UNC79: variants seen among roughly 807,000 people sequenced by gnomAD.
The protein encoded by UNC79 is protein unc-79 homolog.
In UNC79, 37 loss-of-function variants were observed where a neutral mutation model predicts 283.1. The ratio of observed to expected loss-of-function variants is 0.13; its 90% CI spans 0.10 to 0.17. The LOEUF is 0.17. UNC79 is among the 10% of genes least tolerant of loss of function. The pLI, the probability that UNC79 is intolerant of heterozygous loss-of-function variation, is 1.00. For synonymous variants in UNC79, 1,107 were observed against 1,200.2 expected (o/e 0.92, Z 1.61); for missense variants, 2,272 against 3,211.1 (o/e 0.71, Z 7.07).
At chr14:93,498,416 G>A (rs1269886237) in intron 7 of UNC79, among the ~76,000 whole-genome samples, 2 of 151,948 alleles carry the variant, frequency 1.3e-5, no homozygotes, top group African/African-American at 2.4e-5. Context: ...GTGAAACCCC[G>A]TCTCTACTAA....
intron 1 of UNC79, among the ~76,000 whole-genome samples, chr14:93,463,295 G>T (rs1023502534): frequency 6.6e-6 from 1 of 152,096 alleles, no homozygotes; most frequent in Non-Finnish European, 1.5e-5. Flanking sequence ...GATGATTGTG[G>T]GAAATGGATT....
At chr14:93,643,411 C>A in intron 33 of UNC79, 146 bp from the exon 37 acceptor site, 1 of 1,077,390 alleles carries the variant, frequency 9.3e-7, no homozygotes, top group Non-Finnish European at 1.4e-6. Flanking sequence ...GCACTGGAAT[C>A]CTCTACTGAT....
intron 1 of UNC79, among the ~76,000 whole-genome samples, chr14:93,407,734 G>A (rs2055255711): frequency 6.6e-6 from 1 of 152,060 alleles, no homozygotes; most frequent in African/African-American, 2.4e-5. Flanking sequence ...TAAAAAAACT[G>A]GAGATTTAAT....
At chr14:93,516,875 T>A (rs2060088169) in intron 7 of UNC79, among the ~76,000 whole-genome samples, 1 of 152,084 alleles carries the variant, frequency 6.6e-6, no homozygotes. Context: ...TAGGTCTTCT[T>A]TAATTTCTTT....
chr14:93,464,179 T>A (rs1162582288), intron 1 of UNC79, among the ~76,000 whole-genome samples: 1 of 152,004 alleles, frequency 6.6e-6, no homozygotes, highest in Non-Finnish European at 1.5e-5. Context: ...AAAAAAGATT[T>A]CCTCTATGAT....
chr14:93,493,874 C>CATATATATAT (rs140201851), intron 5 of UNC79, among the ~76,000 whole-genome samples: 10 of 76,688 alleles, frequency 1.3e-4, no homozygotes, highest in South Asian at 1.4e-3. Flanking sequence ...GGAAGTGCCA[C>CATATATATAT]ATATATATAT....
intron 7 of UNC79, among the ~76,000 whole-genome samples, chr14:93,500,842 T>G (rs2059246991): frequency 6.6e-6 from 1 of 152,212 alleles, no homozygotes; most frequent in Admixed American, 6.5e-5. Flanking sequence ...CATTAGAAAT[T>G]GTCTGCAATG....
chr14:93,459,225 T>C (rs953627070), intron 1 of UNC79, among the ~76,000 whole-genome samples: 3 of 152,124 alleles, frequency 2.0e-5, no homozygotes, highest in African/African-American at 7.2e-5. Flanking sequence ...CTCCTGACCT[T>C]GGCCTCCCAA....
chr14:93,364,855 T>G (rs1160663625), intron 1 of UNC79, among the ~76,000 whole-genome samples: 2 of 151,880 alleles, frequency 1.3e-5, no homozygotes, highest in African/African-American at 4.8e-5. Flanking sequence ...CTATAATAGG[T>G]GCCACATGTC....
intron 14 of UNC79, among the ~76,000 whole-genome samples, chr14:93,563,320 T>G (rs1208700550): frequency 6.6e-6 from 1 of 152,182 alleles, no homozygotes. Context: ...TTGATGGCCC[T>G]TGCAGTGAAT....
intron 42 of UNC79, among the ~76,000 whole-genome samples, chr14:93,685,373 G>A (rs765090240): frequency 2.0e-5 from 3 of 152,154 alleles, no homozygotes; most frequent in African/African-American, 4.8e-5. Flanking sequence ...TTTCTTGCAC[G>A]AAAGGATTAA....
At chr14:93,568,293 G>T (rs1266006733) in intron 14 of UNC79, among the ~76,000 whole-genome samples, 1 of 152,140 alleles carries the variant, frequency 6.6e-6, no homozygotes, top group Non-Finnish European at 1.5e-5. Context: ...GCTGAGCCAA[G>T]CTCCATCCTT....
chr14:93,605,944 C>T (rs1193877753), intron 26 of UNC79, among the ~76,000 whole-genome samples: 4 of 152,084 alleles, frequency 2.6e-5, no homozygotes, highest in Admixed American at 2.6e-4. Flanking sequence ...CCTTACACAT[C>T]GCTCATGTAC....
intron 7 of UNC79, among the ~76,000 whole-genome samples, chr14:93,504,042 G>A (rs1158684031): frequency 6.6e-6 from 1 of 151,802 alleles, no homozygotes; most frequent in African/African-American, 2.4e-5. Flanking sequence ...CTATTCTGTG[G>A]TACCATTTTT....
chr14:93,550,561 G>T (rs1207973704), intron 14 of UNC79, among the ~76,000 whole-genome samples: 1 of 149,186 alleles, frequency 6.7e-6, no homozygotes, highest in African/African-American at 2.5e-5. Flanking sequence ...GTCTTCCCTG[G>T]CTCAATTTAG....
intron 24 of UNC79, among the ~76,000 whole-genome samples, chr14:93,600,145 A>G (rs2065394837): frequency 6.6e-6 from 1 of 152,216 alleles, no homozygotes; most frequent in South Asian, 2.1e-4. Context: ...GGTTGCAGTG[A>G]GCTGAGATCC....
chr14:93,630,994 G>T lies in UNC79; in HGVS notation c.5716+86G>T, dbSNP rs2067987668. 3.3e-6 allele frequency: 4 copies of T among 1,214,312 alleles called. No homozygotes were observed. The Admixed American group carries it at 5.5e-5, about 17-fold the overall frequency. The allele number at this position is 1,214,312 out of a possible 1,614,324, so 75.2% of individuals were successfully genotyped here. On this transcript the variant is annotated intron_variant, in intron 31 of 48. Coordinates refer to ENST00000555664, the Ensembl canonical transcript of UNC79. The stretch of plus-strand genomic sequence containing the variant: ...CTTGTTTTCAATTTTCCCAATCTTG[G>T]TATTGTATATATATTTTAATGTTGC...
At chr14:93,431,722 G>T (rs925145157) in intron 1 of UNC79, among the ~76,000 whole-genome samples, 2 of 152,334 alleles carry the variant, frequency 1.3e-5, no homozygotes, top group African/African-American at 4.8e-5. Flanking sequence ...CCTTTGTAGG[G>T]CAGCCCATAG....
intron 1 of UNC79, among the ~76,000 whole-genome samples, chr14:93,363,894 GTA>G (rs983044187): frequency 3.3e-5 from 5 of 151,788 alleles, no homozygotes; most frequent in Admixed American, 6.6e-5. Context: ...AATTTTTTTT[GTA>G]TTTTTAGTAG....
Sources: allele counts gnomAD v4.1 joint callset (sites outside exome capture counted in the v4.1 genomes callset), GRCh38; gene constraint gnomAD v4.1.1; transcripts MANE v1.5; gene names NCBI Gene and HGNC (gene_info 2026-07-23, HGNC 2026-07-21).